DPP10: variants seen among roughly 807,000 people sequenced by gnomAD.
DPP10 encodes dipeptidyl peptidase like 10.
DPP10 carries 33 observed loss-of-function variants against 120.9 expected under a neutral mutation model. The observed-to-expected ratio is 0.27, with a 90% CI of 0.21 to 0.37. The LOEUF (loss-of-function observed/expected upper bound fraction) is 0.37. Among genes scored for constraint, DPP10 ranks in the 10% least tolerant of loss-of-function variants. DPP10 has a pLI of 1.00. For missense variants in DPP10, 816 were observed against 942.8 expected, an observed-to-expected ratio of 0.87 and a Z score of 1.76; for synonymous variants, 337 against 326.1, an observed-to-expected ratio of 1.03 and a Z score of -0.36.
At chr2:114,526,993 A>G (rs1034648471) in intron 1 of DPP10, among the ~76,000 whole-genome samples, 1 of 152,154 alleles carries the variant, frequency 6.6e-6, no homozygotes, top group African/African-American at 2.4e-5. Flanking sequence ...ATGTCATACC[A>G]TTTGTACACT....
At chr2:115,785,550 T>C (rs1683240338) in intron 17 of DPP10, among the ~76,000 whole-genome samples, 1 of 152,222 alleles carries the variant, frequency 6.6e-6, no homozygotes. Context: ...AATTTCTCCC[T>C]GGTCCACTCT....
At chr2:115,756,905 C>A (rs1439583884) in intron 11 of DPP10, among the ~76,000 whole-genome samples, 1 of 152,034 alleles carries the variant, frequency 6.6e-6, no homozygotes, top group Non-Finnish European at 1.5e-5. Flanking sequence ...CAAAAGGAGG[C>A]TGAACTCGTC....
At chr2:115,223,552 CTG>C (rs2057286498) in intron 1 of DPP10, among the ~76,000 whole-genome samples, 1 of 152,034 alleles carries the variant, frequency 6.6e-6, no homozygotes, top group Non-Finnish European at 1.5e-5. Context: ...TTTTAATAAA[CTG>C]TGTTCAGGAT....
chr2:115,384,461 AGAAGAAG>A (rs1351660666), intron 3 of DPP10, among the ~76,000 whole-genome samples: 1 of 66,236 alleles, frequency 1.5e-5, no homozygotes, highest in East Asian at 5.1e-4. Context: ...AGAAGAAGGA[AGAAGAAG>A]GAAGAAGAAG....
chr2:115,267,327 G>C (rs892358450), intron 1 of DPP10, among the ~76,000 whole-genome samples: 1 of 152,120 alleles, frequency 6.6e-6, no homozygotes, highest in African/African-American at 2.4e-5. Flanking sequence ...GTATCAAATA[G>C]TAAGTGCTGC....
intron 3 of DPP10, among the ~76,000 whole-genome samples, chr2:115,416,195 C>T (rs1469264075): frequency 6.6e-6 from 1 of 152,038 alleles, no homozygotes; most frequent in African/African-American, 2.4e-5. Context: ...GTCAAGCAGA[C>T]ATTTTTCTTA....
intron 1 of DPP10, among the ~76,000 whole-genome samples, chr2:115,219,875 A>G (rs1285314098): frequency 6.6e-6 from 1 of 152,160 alleles, no homozygotes; most frequent in African/African-American, 2.4e-5. Context: ...GAAAATTGTC[A>G]TGGAAAAATG....
chr2:114,949,318 C>T (rs1697601834), intron 1 of DPP10, among the ~76,000 whole-genome samples: 1 of 152,108 alleles, frequency 6.6e-6, no homozygotes, highest in South Asian at 2.1e-4. Context: ...AGTCACCTCC[C>T]AGCAGGTCCC....
chr2:114,473,966 T>C (rs934359718), intron 1 of DPP10, among the ~76,000 whole-genome samples: 2 of 152,218 alleles, frequency 1.3e-5, no homozygotes, highest in African/African-American at 4.8e-5. Context: ...TTTTTCGTTG[T>C]TGTTTTTCTG....
intron 5 of DPP10, among the ~76,000 whole-genome samples, chr2:115,645,759 A>T (rs1410465749): frequency 6.6e-6 from 1 of 152,162 alleles, no homozygotes; most frequent in Admixed American, 6.6e-5. Flanking sequence ...CTATGTTCCA[A>T]TATTAAAAAG....
At chr2:115,798,524 A>G (rs975701345) in intron 19 of DPP10, among the ~76,000 whole-genome samples, 5 of 152,064 alleles carry the variant, frequency 3.3e-5, no homozygotes, top group African/African-American at 1.2e-4. Flanking sequence ...GAATCATGTA[A>G]GGCTGTGTAG....
chr2:115,805,845 G>A (rs530256363), intron 19 of DPP10, among the ~76,000 whole-genome samples: 1 of 152,210 alleles, frequency 6.6e-6, no homozygotes, highest in South Asian at 2.1e-4. Context: ...AAAGTGCTGG[G>A]ATTACAGGTG....
At chr2:115,051,670 C>T (rs6542242) in intron 1 of DPP10, among the ~76,000 whole-genome samples, 147,428 of 152,304 alleles carry the variant, frequency 0.97, 71,560 homozygotes, top group Middle Eastern at 1. Context: ...TATAAATCTA[C>T]GCTAGTGGAC....
intron 5 of DPP10, among the ~76,000 whole-genome samples, chr2:115,667,872 TC>T (rs552179865): frequency 1.3e-5 from 2 of 152,052 alleles, no homozygotes; most frequent in South Asian, 4.1e-4. Flanking sequence ...CCATTTCCCA[TC>T]TAATCATGCA....
At chr2:115,635,509 G>A (rs1373836098) in intron 5 of DPP10, among the ~76,000 whole-genome samples, 1 of 152,138 alleles carries the variant, frequency 6.6e-6, no homozygotes, top group East Asian at 1.9e-4. Flanking sequence ...ACTCTCCGTA[G>A]GTCACACCAA....
Position 114,914,857 on chromosome 2 carries a change from C to T in DPP10, c.61-394382C>T, listed in dbSNP as rs140490163. On this transcript the variant is annotated intron_variant, in intron 1 of 25. Transcript: ENST00000410059. The stretch of plus-strand genomic sequence containing the variant: ...CTCCAAATAAAGAAATGGGGCCGGG[C>T]GCGGTGGCTCACGCCTGTAATCCCA... Among the ~76,000 whole-genome samples, 1,430 of 152,314 alleles carry T rather than the reference C, an allele frequency of 9.4e-3. 20 individuals are homozygous for T. Among genetic ancestry groups the T allele is most frequent in the African/African-American group, 0.024 (1,001 of 41,572 alleles).
intron 1 of DPP10, among the ~76,000 whole-genome samples, chr2:114,907,360 C>T (rs1253744847): frequency 6.6e-6 from 1 of 151,826 alleles, no homozygotes; most frequent in Non-Finnish European, 1.5e-5. Flanking sequence ...AATTGTTTCT[C>T]TTTTTCCTGT....
chr2:115,066,542 TA>T (rs1706856864), intron 1 of DPP10: 3 of 152,212 alleles, frequency 2.0e-5, no homozygotes, highest in Non-Finnish European at 4.4e-5. Context: ...TTTTTAAAAT[TA>T]AAATTTGCCT....
chr2:115,689,196 T>A (rs1046218327), intron 5 of DPP10, among the ~76,000 whole-genome samples: 21 of 152,220 alleles, frequency 1.4e-4, no homozygotes, highest in African/African-American at 4.1e-4. Context: ...ATACGGGGGC[T>A]TTATTATAAG....
Sources: gnomAD v4.1 joint callset for allele counts (sites outside exome capture counted in the v4.1 genomes callset) on GRCh38, gnomAD v4.1.1 for gene constraint, MANE v1.5 for transcripts, NCBI Gene and HGNC (gene_info 2026-07-23, HGNC 2026-07-21) for gene names.